The following SLC24A4 variants were observed in gnomAD, a reference collection of about 807,000 sequenced individuals.
SLC24A4 encodes the protein solute carrier family 24 member 4.
Under a neutral mutation model 79.0 loss-of-function variants are expected in SLC24A4, and 53 were observed. The ratio of observed to expected loss-of-function variants is 0.67; its 90% confidence interval spans 0.54 to 0.84. The LOEUF (loss-of-function observed/expected upper bound fraction) is 0.84, where lower values mean the gene tolerates loss of function less well. Ranked by LOEUF, SLC24A4 falls within the 40% of genes least tolerant of loss-of-function variation. The pLI, the probability that SLC24A4 is intolerant of heterozygous loss-of-function variation, is 0.00. For missense variants in SLC24A4, 731 were observed against 822.0 expected (o/e 0.89, Z 1.35); for synonymous variants, 323 against 323.8 (o/e 1.00, Z 0.03).
chr14:92,445,867 C>T (rs11160066), intron 8 of SLC24A4, among the ~76,000 whole-genome samples: 38,607 of 152,124 alleles, frequency 0.25, 5,577 homozygotes, highest in East Asian at 0.53. Context: ...TATAGAGACT[C>T]ATCTTTAAGA....
chr14:92,458,654 C>T (rs1012162999), intron 12 of SLC24A4, among the ~76,000 whole-genome samples: 7 of 152,182 alleles, frequency 4.6e-5, no homozygotes, highest in Admixed American at 2.6e-4. Flanking sequence ...AACCAGCTCA[C>T]GGTGATGAAC....
chr14:92,334,399 C>T (rs1332312108), intron 2 of SLC24A4, among the ~76,000 whole-genome samples: 1 of 152,100 alleles, frequency 6.6e-6, no homozygotes, highest in Non-Finnish European at 1.5e-5. Flanking sequence ...GAAGATGGCA[C>T]CCGGCATCAC....
intron 2 of SLC24A4, among the ~76,000 whole-genome samples, chr14:92,343,879 T>C (rs545960799): frequency 5.6e-4 from 85 of 152,052 alleles, no homozygotes; most frequent in African/African-American, 1.9e-3. Flanking sequence ...ATTTTTGTAT[T>C]TTTAGTGCAG....
At chr14:92,361,942 T>C (rs987616608) in intron 2 of SLC24A4, among the ~76,000 whole-genome samples, 1 of 152,140 alleles carries the variant, frequency 6.6e-6, no homozygotes, top group African/African-American at 2.4e-5. Flanking sequence ...AGACAGCACC[T>C]TGGGAAACAC....
chr14:92,409,454 AT>A (rs1890586647), intron 2 of SLC24A4, among the ~76,000 whole-genome samples: 1 of 152,242 alleles, frequency 6.6e-6, no homozygotes, highest in African/African-American at 2.4e-5. Context: ...GCAGCTGCTG[AT>A]GATGTTCTGT....
At chr14:92,364,816 A>G (rs1398373737) in intron 2 of SLC24A4, among the ~76,000 whole-genome samples, 2 of 152,164 alleles carry the variant, frequency 1.3e-5, no homozygotes, top group Non-Finnish European at 1.5e-5. Context: ...CTGCTCCATC[A>G]TAGCCAACGG....
intron 12 of SLC24A4, among the ~76,000 whole-genome samples, chr14:92,472,450 C>G (rs1374848145): frequency 6.6e-6 from 1 of 152,130 alleles, no homozygotes; most frequent in Non-Finnish European, 1.5e-5. Context: ...ATTCTTATGC[C>G]TTTGGATCCT....
chr14:92,332,995 C>T (rs574944070), intron 2 of SLC24A4, among the ~76,000 whole-genome samples: 1 of 152,302 alleles, frequency 6.6e-6, no homozygotes, highest in South Asian at 2.1e-4. Context: ...AATAGAAGAA[C>T]TTTCTTGTGT....
At position 92,323,523 on chromosome 14, in the gene SLC24A4, GCGCCAGCCCTGCGAGCCCGGGC is replaced by G. The variant is rs1884916106; in HGVS notation, c.-300_-279del. On this transcript the variant is annotated 5_prime_UTR_variant, in exon 1 of 17. Transcript: ENST00000532405. The surrounding 1 kb of genome is among the most constrained non-coding windows in gnomAD (Gnocchi z 4.9). ...AGGTAGCGGCTCTAGCGCCGGGACTGCGCCAGCCCTGCGAGCCCGGGCCGCCAGCGCCACCGTGCCGGCGTCG... is the reference window on the plus strand; with the variant it reads ...AGGTAGCGGCTCTAGCGCCGGGACTGCGCCAGCGCCACCGTGCCGGCGTCG... 5.0e-6 allele frequency: 1 copy of G among 200,802 alleles called. No homozygotes were observed. The highest frequency in any genetic ancestry group is 1.0e-5 in the Non-Finnish European group (1 of 100,370). The allele number at this position is 200,802 out of a possible 1,614,324, so 12.4% of individuals were successfully genotyped here. A position where few individuals can be genotyped will look rare whatever the true frequency, so the allele number is the denominator to read the frequency against.
intron 2 of SLC24A4, among the ~76,000 whole-genome samples, chr14:92,427,724 G>T (rs1412087344): frequency 6.6e-6 from 1 of 152,226 alleles, no homozygotes; most frequent in Non-Finnish European, 1.5e-5. Flanking sequence ...TTAATTCAGG[G>T]AATGAGATGC....
chr14:92,428,184 G>A lies in SLC24A4; in HGVS notation c.242-5728G>A, dbSNP rs141342036. 9.6e-3 allele frequency among the ~76,000 whole-genome samples: 1,462 copies of A among 152,350 alleles called. 9 individuals carry two copies. The highest frequency in any genetic ancestry group is 0.017 in the Non-Finnish European group (1,127 of 68,042). On this transcript the variant is annotated intron_variant, in intron 2 of 16. Transcript: ENST00000532405. ...ACATCCTGTGCAGGAATAAGGAAGG[G>A]GACATGATTGCCAGGAGAGCCTCTT... is the stretch of plus-strand genomic sequence containing the variant.
chr14:92,475,198 T>C (rs1261828767), intron 12 of SLC24A4, among the ~76,000 whole-genome samples: 1 of 152,152 alleles, frequency 6.6e-6, no homozygotes, highest in Non-Finnish European at 1.5e-5. Context: ...GCTAGTAAAC[T>C]GGATTTGAAC....
chr14:92,482,158 G>T (rs779193863), intron 12 of SLC24A4, among the ~76,000 whole-genome samples: 1 of 152,248 alleles, frequency 6.6e-6, no homozygotes, highest in Non-Finnish European at 1.5e-5. Flanking sequence ...AACCAAGAAG[G>T]AGATACCTTT....
At chr14:92,397,541 G>T (rs182216667) in intron 2 of SLC24A4, among the ~76,000 whole-genome samples, 98 of 152,334 alleles carry the variant, frequency 6.4e-4, no homozygotes, top group African/African-American at 2.1e-3. Context: ...GGAGGAGGGG[G>T]CATCCTGTCT....
intron 16 of SLC24A4, 104 bp downstream of exon 16, chr14:92,492,344 G>C (rs1895729218): frequency 8.9e-7 from 1 of 1,118,446 alleles, no homozygotes; most frequent in Non-Finnish European, 1.3e-6. Flanking sequence ...ACTTCCCTTG[G>C]TAGTGAAGGA....
Position 92,486,753 on chromosome 14 carries a change from A to G in SLC24A4, c.1510A>G (p.Met504Val). ...AGCAGGGACAAGTGTTCCAGACTGCATGGCCAGCCTAATTGTGGCGAGACA... is the reference window on the plus strand; with the variant it reads ...AGCAGGGACAAGTGTTCCAGACTGCGTGGCCAGCCTAATTGTGGCGAGACA... ...LAAGTSVPDC[M>V]ASLIVARQGL... Residue 504 changes from methionine (M) to valine (V), a missense_variant, in exon 14 of 17, where the codon ATG (methionine) becomes GTG (valine). Transcript: ENST00000532405. 6.2e-7 allele frequency: 1 copy of G among 1,614,100 alleles called. No individual in the cohort carries two copies. Among genetic ancestry groups the G allele is most frequent in the Non-Finnish European group, 8.5e-7 (1 of 1,179,976 alleles).
intron 2 of SLC24A4, among the ~76,000 whole-genome samples, chr14:92,409,407 A>G (rs1165154879): frequency 2.0e-5 from 3 of 152,218 alleles, no homozygotes; most frequent in Admixed American, 2.0e-4. Flanking sequence ...GGGATGGAAA[A>G]GGCAGCGCAT....
At chr14:92,425,324 A>T (rs188083093) in intron 2 of SLC24A4, among the ~76,000 whole-genome samples, 1 of 152,338 alleles carries the variant, frequency 6.6e-6, no homozygotes, top group East Asian at 1.9e-4. Context: ...TCTTATTTCC[A>T]AATAAGGTCA....
chr14:92,413,792 C>G (rs773858953), intron 2 of SLC24A4, among the ~76,000 whole-genome samples: 2 of 152,186 alleles, frequency 1.3e-5, no homozygotes, highest in Non-Finnish European at 2.9e-5. Flanking sequence ...AAATATTAAA[C>G]TAAGGCAGAA....
Sources: allele counts gnomAD v4.1 joint callset (sites outside exome capture counted in the v4.1 genomes callset), GRCh38; gene constraint gnomAD v4.1.1; non-coding constraint Gnocchi (gnomAD v3.1); transcripts MANE v1.5; gene names NCBI Gene and HGNC (gene_info 2026-07-23, HGNC 2026-07-21).